The following ATP9A variants were observed in gnomAD, a reference collection of about 807,000 sequenced individuals.
ATP9A encodes the protein probable phospholipid-transporting ATPase IIA.
In ATP9A, 52 loss-of-function variants were observed where a neutral mutation model predicts 144.1. That is an observed-to-expected ratio of 0.36 (90% CI 0.29 to 0.45). The LOEUF is 0.45. Ranked by LOEUF, ATP9A falls within the 20% of genes least tolerant of loss-of-function variation. The pLI is 1.00. For synonymous variants in ATP9A, 582 were observed against 557.4 expected (o/e 1.04, Z -0.62); for missense variants, 947 against 1,392.7 (o/e 0.68, Z 5.09).
Position 51,713,018 on chromosome 20 carries a change from G to A in ATP9A, c.384C>T (p.Tyr128=). The change falls in exon 4 of 28, where the codon TAC becomes TAT. Residue 128 remains tyrosine, a synonymous_variant. Transcript: ENST00000338821. ...GGGAGTTGACTTCCTTGTCCCGCAC[G>A]TAGCATCGGATCTCCTCCACCGCCT... ...IREAVEEIRC[Y]VRDKEVNSQV... is the part of the protein sequence containing the mutation. 4.3e-6 allele frequency: 7 copies of A among 1,613,268 alleles called. No individual in the cohort carries two copies. Among genetic ancestry groups the A allele is most frequent in the East Asian group, 2.2e-5 (1 of 44,826 alleles).
intron 1 of ATP9A, among the ~76,000 whole-genome samples, chr20:51,745,012 A>C (rs1397090551): frequency 6.6e-6 from 1 of 151,762 alleles, no homozygotes; most frequent in Non-Finnish European, 1.5e-5. Context: ...GCAGTGGCTG[A>C]CTCCTGTAAT....
intron 11 of ATP9A, among the ~76,000 whole-genome samples, chr20:51,673,570 T>C (rs955142913): frequency 6.6e-6 from 1 of 152,020 alleles, no homozygotes; most frequent in African/African-American, 2.4e-5. Context: ...CTATCAACCT[T>C]GCAGAGCTGG....
At chr20:51,614,702 TG>T (rs1568785822) in intron 22 of ATP9A, among the ~76,000 whole-genome samples, 1 of 152,150 alleles carries the variant, frequency 6.6e-6, no homozygotes, top group Admixed American at 6.5e-5. Context: ...CAATTCCCCT[TG>T]TACAGTGCTC....
Position 51,691,135 on chromosome 20 carries a change from C to T in ATP9A, c.643-316G>A, listed in dbSNP as rs79432137. On this transcript the variant is annotated intron_variant, in intron 7 of 27. Coordinates refer to ENST00000338821, the MANE Select transcript of ATP9A (RefSeq NM_006045.3). ...CTGGAAAGTGGCAGACCCTCCTCTGCTAAATTCTGGCTTGCAAGACTTGTT... is the reference window on the plus strand; with the variant it reads ...CTGGAAAGTGGCAGACCCTCCTCTGTTAAATTCTGGCTTGCAAGACTTGTT... Among the ~76,000 whole-genome samples the T allele has an allele frequency of 7.4e-3, 1,134 of 152,274 alleles. 9 individuals carry two copies. Among genetic ancestry groups the T allele is most frequent in the Non-Finnish European group, 0.012 (804 of 68,024 alleles).
intron 7 of ATP9A, among the ~76,000 whole-genome samples, chr20:51,691,706 G>A (rs920412771): frequency 6.6e-6 from 1 of 152,150 alleles, no homozygotes; most frequent in Non-Finnish European, 1.5e-5. Flanking sequence ...AAATTAATCA[G>A]AAAACTACCA....
intron 9 of ATP9A, among the ~76,000 whole-genome samples, chr20:51,677,707 C>T (rs1231650505): frequency 1.3e-5 from 2 of 152,140 alleles, no homozygotes; most frequent in Non-Finnish European, 2.9e-5. Context: ...GTCCCAAGGA[C>T]AACTCTTTCC....
In ATP9A at chr20:51,601,043, G is replaced by A. The variant is rs1027477866; in HGVS notation, c.*168C>T. 63 of 762,632 alleles carry A rather than the reference G, an allele frequency of 8.3e-5. No homozygotes were observed. Among genetic ancestry groups the A allele is most frequent in the South Asian group, 9.2e-5 (3 of 32,700 alleles). 47.2% of individuals were successfully genotyped at this position (762,632 alleles called of 1,614,324 possible). A position where few individuals can be genotyped will look rare whatever the true frequency, so the allele number is the denominator to read the frequency against. On this transcript the variant is annotated 3_prime_UTR_variant, in exon 28 of 28. Coordinates refer to ENST00000338821, the MANE Select transcript of ATP9A (RefSeq NM_006045.3). The stretch of plus-strand genomic sequence containing the variant: ...GGTCTCTTTCAGGACCCTCCCTCCC[G>A]TTGATGCAGCGTTAGGACTCCGTTT...
At chr20:51,640,310 G>A (rs866308899) in intron 14 of ATP9A, among the ~76,000 whole-genome samples, 8 of 152,276 alleles carry the variant, frequency 5.3e-5, no homozygotes, top group East Asian at 1.9e-4. Context: ...CAGGGGACCC[G>A]CGCCAACATC....
At position 51,667,249 on chromosome 20, in the gene ATP9A, T is replaced by C. The variant is rs138278299; in HGVS notation, c.1293+2748A>G. On this transcript the variant is annotated intron_variant, in intron 13 of 27. Transcript: ENST00000338821. ...CCATAAAAGCTAAAATACACAAATA[T>C]CCTGAGAGGGGACGGCTTCCGTAAA... Among the ~76,000 whole-genome samples, 659 of 152,232 alleles carry C rather than the reference T, an allele frequency of 4.3e-3. 8 individuals carry two copies. Among genetic ancestry groups the C allele is most frequent in the African/African-American group, 0.015 (619 of 41,528 alleles).
At position 51,670,136 on chromosome 20, in the gene ATP9A, G is replaced by A. The variant is rs200370691; in HGVS notation, c.1181-27C>T. The A allele has an allele frequency of 1.8e-4, 282 of 1,546,124 alleles. 2 individuals carry two copies. In the East Asian group the frequency reaches 3.6e-3, roughly 20 times the overall value. ...TAAAACACAAGACAAATGAGTGGCC[G>A]GCCTGTCTCTCAGGATGTTTGTTAT... On this transcript the variant is annotated intron_variant, in intron 12 of 27. Coordinates refer to ENST00000338821, the MANE Select transcript of ATP9A (RefSeq NM_006045.3).
intron 4 of ATP9A, among the ~76,000 whole-genome samples, chr20:51,703,758 T>A (rs1055259624): frequency 4.6e-5 from 7 of 152,176 alleles, no homozygotes; most frequent in South Asian, 4.1e-4. Flanking sequence ...AAATTTTTTT[T>A]AATAAATTCC....
intron 9 of ATP9A, among the ~76,000 whole-genome samples, chr20:51,687,379 G>A (rs973013406): frequency 6.6e-6 from 1 of 152,180 alleles, no homozygotes; most frequent in Non-Finnish European, 1.5e-5. Flanking sequence ...ATGTGTGGAT[G>A]GTGACACACG....
At chr20:51,752,993 T>G (rs374990620) in intron 1 of ATP9A, among the ~76,000 whole-genome samples, 91 of 152,032 alleles carry the variant, frequency 6.0e-4, no homozygotes, top group African/African-American at 2.1e-3. Context: ...TCCCAGCTAC[T>G]TGGGAGGCTG....
At chr20:51,707,524 G>A (rs1320006018) in intron 4 of ATP9A, among the ~76,000 whole-genome samples, 1 of 152,078 alleles carries the variant, frequency 6.6e-6, no homozygotes, top group African/African-American at 2.4e-5. Flanking sequence ...TTTAAGGTAG[G>A]TGCTATTATT....
intron 1 of ATP9A, 85 bp from the exon 2 acceptor site, chr20:51,730,063 T>C: frequency 7.4e-7 from 1 of 1,346,744 alleles, no homozygotes; most frequent in East Asian, 2.7e-5. Context: ...AGATTGCTTT[T>C]CTCTACAGCA....
chr20:51,641,457 A>G (rs932178051), intron 14 of ATP9A, among the ~76,000 whole-genome samples: 2 of 151,928 alleles, frequency 1.3e-5, no homozygotes, highest in African/African-American at 2.4e-5. Context: ...GGTGGAGGCT[A>G]CAGTGAGCCA....
chr20:51,687,340 C>T (rs1156687598), intron 9 of ATP9A, among the ~76,000 whole-genome samples: 1 of 152,162 alleles, frequency 6.6e-6, no homozygotes, highest in Non-Finnish European at 1.5e-5. Flanking sequence ...AGGGAGAGTG[C>T]ACCTCTGCCT....
chr20:51,733,522 C>T (rs1187476094), intron 1 of ATP9A, among the ~76,000 whole-genome samples: 5 of 151,954 alleles, frequency 3.3e-5, no homozygotes, highest in Admixed American at 6.6e-5. Context: ...TACAGGCGTG[C>T]GCCACCACAC....
intron 3 of ATP9A, among the ~76,000 whole-genome samples, chr20:51,725,178 A>G (rs1417964520): frequency 6.6e-6 from 1 of 152,132 alleles, no homozygotes; most frequent in Non-Finnish European, 1.5e-5. Context: ...GCTGGAGTGC[A>G]GTGGCGTGAT....
Sources: allele counts gnomAD v4.1 joint callset (sites outside exome capture counted in the v4.1 genomes callset), GRCh38; gene constraint gnomAD v4.1.1; transcripts MANE v1.5; gene names NCBI Gene and HGNC (gene_info 2026-07-23, HGNC 2026-07-21).